Variants in PIEZO2 observed in about 807,000 individuals in gnomAD.
PIEZO2 encodes piezo type mechanosensitive ion channel component 2, also known as piezo-type mechanosensitive ion channel component 2.
PIEZO2 carries 172 observed loss-of-function variants against 337.3 expected under a neutral mutation model. The ratio of observed to expected loss-of-function variants is 0.51; its 90% confidence interval spans 0.45 to 0.58. The LOEUF is 0.58. Among genes scored for constraint, PIEZO2 ranks in the 20% least tolerant of loss-of-function variants. PIEZO2 has a pLI of 0.00. For missense variants in PIEZO2, 3,028 were observed against 3,391.3 expected, an observed-to-expected ratio of 0.89 and a Z score of 2.66; for synonymous variants, 1,251 against 1,228.5, an observed-to-expected ratio of 1.02 and a Z score of -0.38.
chr18:10,780,857 T>G (rs982359254), intron 17 of PIEZO2, among the ~76,000 whole-genome samples: 1 of 151,808 alleles, frequency 6.6e-6, no homozygotes, highest in East Asian at 1.9e-4. Flanking sequence ...GAGATGGGGT[T>G]TTACTATGTT....
intron 1 of PIEZO2, among the ~76,000 whole-genome samples, chr18:11,108,521 G>C (rs995609671): frequency 6.7e-6 from 1 of 148,280 alleles, no homozygotes; most frequent in African/African-American, 2.5e-5. Context: ...GGCTGAGGCA[G>C]GAGAATGGCT....
rs2037611151 is a variant in PIEZO2 at position 10,750,632 on chromosome 18, G to C, written c.4168-445C>G. On this transcript the variant is annotated intron_variant, in intron 28 of 55. Coordinates refer to ENST00000674853, the MANE Select transcript of PIEZO2 (RefSeq NM_001378183.1). The surrounding 1 kb of genome is among the most constrained non-coding windows in gnomAD (Gnocchi z 4.1). ...AGGGTGTAGTTCTTAGAACAAAACA[G>C]AGTATGTGTTTTGAGTCTTGTTTGA... 6.6e-6 allele frequency among the ~76,000 whole-genome samples: 1 copy of C among 152,180 alleles called. No homozygotes were observed. Among genetic ancestry groups the C allele is most frequent in the South Asian group, 2.1e-4 (1 of 4,826 alleles).
rs1251434244 is a variant in PIEZO2, at chr18:10,672,955, T to C, written c.8162-82A>G. The stretch of plus-strand genomic sequence containing the variant: ...CAGCAACAGTTTTCAGATGGCAAAA[T>C]CTGGTTACTAACTATAGCATAAGGT... On this transcript the variant is annotated intron_variant, in intron 54 of 55. Transcript: ENST00000674853. The surrounding 1 kb of genome is among the most constrained non-coding windows in gnomAD (Gnocchi z 4.7). 3 of 1,144,262 alleles carry C rather than the reference T, an allele frequency of 2.6e-6. No individual in the cohort carries two copies. The highest frequency in any genetic ancestry group is 3.8e-6 in the Non-Finnish European group (3 of 792,204). 70.9% of individuals were successfully genotyped at this position (1,144,262 alleles called of 1,614,324 possible). A position where few individuals can be genotyped will look rare whatever the true frequency, so the allele number is the denominator to read the frequency against.
intron 35 of PIEZO2, among the ~76,000 whole-genome samples, chr18:10,734,471 C>T (rs981454427): frequency 6.6e-6 from 1 of 152,206 alleles, no homozygotes; most frequent in Non-Finnish European, 1.5e-5. Context: ...ATGTCACTAT[C>T]GAACTACTCG....
rs1409851246 is a variant in PIEZO2, at chr18:10,766,941, C to T, written c.2946+3207G>A. Among the ~76,000 whole-genome samples the T allele has an allele frequency of 2.0e-5, 3 of 152,006 alleles. No individual in the cohort carries two copies. Among genetic ancestry groups the T allele is most frequent in the Non-Finnish European group, 4.4e-5 (3 of 67,994 alleles). On this transcript the variant is annotated intron_variant, in intron 21 of 55. Transcript: ENST00000674853. This position sits in a 1 kb window ranked among gnomAD's most constrained non-coding sequence, Gnocchi z 6.1. ...GATGAGACAGACAAGAAGGAGAAAC[C>T]TCAGGTCTGCAAAAGTTTCCTTCCT... is the stretch of plus-strand genomic sequence containing the variant.
intron 3 of PIEZO2, among the ~76,000 whole-genome samples, chr18:10,934,582 T>C (rs1226238242): frequency 2.6e-5 from 4 of 151,768 alleles, no homozygotes; most frequent in African/African-American, 9.7e-5. Context: ...TAACTTGAGT[T>C]GTGTGAAAAG....
At chr18:11,087,008 G>A (rs950656049) in intron 1 of PIEZO2, among the ~76,000 whole-genome samples, 1 of 152,162 alleles carries the variant, frequency 6.6e-6, no homozygotes, top group Non-Finnish European at 1.5e-5. Flanking sequence ...AATCCTCAAA[G>A]TGATGGTGTT....
intron 30 of PIEZO2, among the ~76,000 whole-genome samples, chr18:10,747,490 G>A (rs1055585185): frequency 6.6e-6 from 1 of 152,178 alleles, no homozygotes; most frequent in Non-Finnish European, 1.5e-5. Flanking sequence ...ATTGTATTCT[G>A]CTCTGAAAAT....
At position 10,723,567 on chromosome 18, in the gene PIEZO2, G is replaced by A. The variant is rs191503878; in HGVS notation, c.5030-5308C>T. On this transcript the variant is annotated intron_variant, in intron 36 of 55. Transcript: ENST00000674853. Reference sequence around the variant, plus strand: ...AGAAATAACAGCATGTGTTTATGCTGATGGAAAGACTCCAGTAGAGAGGAA... The same window carrying A: ...AGAAATAACAGCATGTGTTTATGCTAATGGAAAGACTCCAGTAGAGAGGAA... Among the ~76,000 whole-genome samples, 35 of 152,292 alleles carry A rather than the reference G, an allele frequency of 2.3e-4. 1 individual carries two copies. The East Asian group carries it at 5.6e-3, about 24-fold the overall frequency.
Position 10,894,087 on chromosome 18 carries a change from C to A in PIEZO2, c.329+17099G>T, listed in dbSNP as rs1027396559. 1.3e-5 allele frequency among the ~76,000 whole-genome samples: 2 copies of A among 152,120 alleles called. No homozygotes were observed. The highest frequency in any genetic ancestry group is 1.3e-4 in the Admixed American group (2 of 15,262). The stretch of plus-strand genomic sequence containing the variant: ...CGTCTCCGTATAGATAGAAAGACAC[C>A]CGAAACTGGTGATCAGCAGCTTCCT... On this transcript the variant is annotated intron_variant, in intron 4 of 55. Coordinates refer to ENST00000674853, the MANE Select transcript of PIEZO2 (RefSeq NM_001378183.1). The surrounding 1 kb of genome is among the most constrained non-coding windows in gnomAD (Gnocchi z 4.1).
chr18:10,682,357 T>A lies in PIEZO2; in HGVS notation c.7498-65A>T, dbSNP rs771094401. 1 of 1,390,632 alleles carries A rather than the reference T, an allele frequency of 7.2e-7. No individual in the cohort carries two copies. The highest frequency in any genetic ancestry group is 9.7e-7 in the Non-Finnish European group (1 of 1,034,866). 86.1% of individuals were successfully genotyped at this position (1,390,632 alleles called of 1,614,324 possible). On this transcript the variant is annotated intron_variant, in intron 49 of 55. Transcript: ENST00000674853. The surrounding 1 kb of genome is among the most constrained non-coding windows in gnomAD (Gnocchi z 5.6). ...AGGTGCTTTCCCGCAGGCAGCGGGA[T>A]TGGGGGAGAGCGAGTGCTCTTCCTG...
Position 11,058,422 on chromosome 18 carries a change from G to A in PIEZO2, c.160+7705C>T, listed in dbSNP as rs533627442. Among the ~76,000 whole-genome samples the A allele has an allele frequency of 5.3e-5, 8 of 152,306 alleles. No individual in the cohort carries two copies. In the East Asian group the frequency reaches 5.8e-4, roughly 11 times the overall value. ...CACCAGCAATGGAACAAAGCTGGAC[G>A]GAGAATGATTTTGACAAGTTGAGAG... On this transcript the variant is annotated intron_variant, in intron 2 of 55. Coordinates refer to ENST00000674853, the MANE Select transcript of PIEZO2 (RefSeq NM_001378183.1).
chr18:10,879,390 T>A (rs1054830571), intron 4 of PIEZO2, among the ~76,000 whole-genome samples: 1 of 78,504 alleles, frequency 1.3e-5, no homozygotes, highest in Non-Finnish European at 2.5e-5. Flanking sequence ...TCCTTTCCAA[T>A]CTTTTTTTTT....
rs2145264575 is a variant in PIEZO2 at position 10,943,734 on chromosome 18, G to C, written c.287-32506C>G. Among the ~76,000 whole-genome samples, 2 of 152,274 alleles carry C rather than the reference G, an allele frequency of 1.3e-5. No homozygotes were observed. The highest frequency in any genetic ancestry group is 2.9e-5 in the Non-Finnish European group (2 of 68,016). ...GATTGGTTTTGAAATGTGAAGATAT[G>C]AGATTTGGGAGGGGCCAGGGGCAGA... On this transcript the variant is annotated intron_variant, in intron 3 of 55. Coordinates refer to ENST00000674853, the MANE Select transcript of PIEZO2 (RefSeq NM_001378183.1). This position sits in a 1 kb window ranked among gnomAD's most constrained non-coding sequence, Gnocchi z 4.5.
chr18:10,884,894 A>G (rs2042530620), intron 4 of PIEZO2, among the ~76,000 whole-genome samples: 1 of 151,932 alleles, frequency 6.6e-6, no homozygotes, highest in South Asian at 2.1e-4. Context: ...CGAAAACAGC[A>G]TGAACTTTGG....
intron 2 of PIEZO2, among the ~76,000 whole-genome samples, chr18:11,051,122 T>C (rs1176046909): frequency 1.3e-5 from 2 of 152,048 alleles, no homozygotes; most frequent in Admixed American, 1.3e-4. Context: ...GAGCTAGCCA[T>C]CACAACCCAA....
At chr18:10,703,724 C>T (rs1247546379) in intron 42 of PIEZO2, among the ~76,000 whole-genome samples, 1 of 151,882 alleles carries the variant, frequency 6.6e-6, no homozygotes, top group Non-Finnish European at 1.5e-5. Context: ...CATTCGTGAT[C>T]CTGTCTATGT....
intron 12 of PIEZO2, 102 bp downstream of exon 12, chr18:10,797,272 C>T: frequency 1.9e-6 from 2 of 1,044,084 alleles, no homozygotes; most frequent in Non-Finnish European, 1.4e-6. Flanking sequence ...ATCTTATATA[C>T]CATTATATAT....
intron 7 of PIEZO2, among the ~76,000 whole-genome samples, chr18:10,829,349 C>T (rs941113313): frequency 2.0e-5 from 3 of 151,950 alleles, no homozygotes; most frequent in Non-Finnish European, 4.4e-5. Flanking sequence ...TAGTATCATA[C>T]ATAATGAGGA....
Sources: gnomAD v4.1 joint callset for allele counts (sites outside exome capture counted in the v4.1 genomes callset) on GRCh38, gnomAD v4.1.1 for gene constraint, Gnocchi (gnomAD v3.1) non-coding constraint, MANE v1.5 for transcripts, NCBI Gene and HGNC (gene_info 2026-07-23, HGNC 2026-07-21) for gene names.